Variants in SAP25 observed in about 807,000 individuals in gnomAD.
SAP25 encodes the protein histone deacetylase complex subunit SAP25.
Under a neutral mutation model 31.5 loss-of-function variants are expected in SAP25, and 24 were observed. The observed-to-expected ratio is 0.76, with a 90% confidence interval of 0.55 to 1.07. SAP25 has a LOEUF of 1.07. SAP25 is among the 50% of genes least tolerant of loss of function. The probability of loss-of-function intolerance (pLI) is 0.00; values close to 1 mark genes in which losing one functional copy is unlikely to be tolerated. For missense variants in SAP25, 377 were observed against 418.8 expected, an observed-to-expected ratio of 0.90 and a Z score of 0.87; for synonymous variants, 180 against 186.0, an observed-to-expected ratio of 0.97 and a Z score of 0.26.
chr7:100,572,593 T>C lies in SAP25; in HGVS notation c.610-22A>G. 2 of 1,485,954 alleles carry C rather than the reference T, an allele frequency of 1.3e-6. No homozygotes were observed. Among genetic ancestry groups the C allele is most frequent in the Admixed American group, 2.5e-5 (1 of 39,798 alleles). The allele number at this position is 1,485,954 out of a possible 1,614,324, so 92.0% of individuals were successfully genotyped here. On this transcript the variant is annotated intron_variant, in intron 5 of 5. Coordinates refer to ENST00000622764, the MANE Select transcript of SAP25 (RefSeq NM_001348680.2). The surrounding 1 kb of genome is among the most constrained non-coding windows in gnomAD (Gnocchi z 4.1). The stretch of plus-strand genomic sequence containing the variant: ...TCATCTGAGGAGAGAGAATGGAATG[T>C]GTTTCCTGCCAGGCAAGCCTGGAGG...
Position 100,572,418 on chromosome 7 carries a change from G to A in SAP25, c.763C>T (p.Pro255Ser). 7.1e-7 allele frequency: 1 copy of A among 1,409,272 alleles called. No individual in the cohort carries two copies. The highest frequency in any genetic ancestry group is 1.6e-5 in the South Asian group (1 of 63,822). The allele number at this position is 1,409,272 out of a possible 1,614,324, so 87.3% of individuals were successfully genotyped here. A position where few individuals can be genotyped will look rare whatever the true frequency, so the allele number is the denominator to read the frequency against. The change falls in exon 6 of 6, where the codon CCT becomes TCT. Residue 255 changes from proline (P) to serine (S), a missense_variant. Physicochemically the swap from Pro to Ser is moderately conservative, Grantham distance 74. Transcript: ENST00000622764. The surrounding 1 kb of genome is among the most constrained non-coding windows in gnomAD (Gnocchi z 4.1). ...CCAACCGCGGAGGAGCTGGGCCTAGGCTCCCCCTGGCTCATCTGCAGCAGG... is the reference window on the plus strand; with the variant it reads ...CCAACCGCGGAGGAGCTGGGCCTAGACTCCCCCTGGCTCATCTGCAGCAGG... Reference protein sequence around the residue: ...TGLLQMSQGEPRPSSSAVGPP... With the variant: ...TGLLQMSQGESRPSSSAVGPP...
At position 100,572,391 on chromosome 7, in the gene SAP25, G is replaced by A. The variant is rs1261305969; in HGVS notation, c.790C>T (p.Pro264Ser). ...EPRPSSSAVG[P>S]PDHTSDPPSP... is the part of the protein sequence containing the mutation. Reference sequence around the variant, plus strand: ...GGTGGGTCAGAGGTATGGTCTGGGGGGCCAACCGCGGAGGAGCTGGGCCTA... The same window carrying A: ...GGTGGGTCAGAGGTATGGTCTGGGGAGCCAACCGCGGAGGAGCTGGGCCTA... Residue 264 changes from proline (P) to serine (S), a missense_variant, in exon 6 of 6, where the codon CCC (proline) becomes TCC (serine). Coordinates refer to ENST00000622764, the MANE Select transcript of SAP25 (RefSeq NM_001348680.2). The surrounding 1 kb of genome is among the most constrained non-coding windows in gnomAD (Gnocchi z 4.1). 4 of 1,409,020 alleles carry A rather than the reference G, an allele frequency of 2.8e-6. No individual in the cohort carries two copies. The Admixed American group carries it at 9.4e-5, about 33-fold the overall frequency. The allele number at this position is 1,409,020 out of a possible 1,614,324, so 87.3% of individuals were successfully genotyped here.
chr7:100,573,788 C>A lies in SAP25; in HGVS notation c.-46G>T. The A allele has an allele frequency of 8.5e-7, 1 of 1,176,076 alleles. No individual in the cohort carries two copies. Among genetic ancestry groups the A allele is most frequent in the South Asian group, 4.2e-5 (1 of 23,846 alleles). The allele number at this position is 1,176,076 out of a possible 1,614,324, so 72.9% of individuals were successfully genotyped here. On this transcript the variant is annotated 5_prime_UTR_variant, in exon 1 of 6. Transcript: ENST00000622764. ...ACGGTACCGCCGTGTCCCCGCCGCCCGGCCCGGCCCTCTCAGCCTCCCTCC... is the reference window on the plus strand; with the variant it reads ...ACGGTACCGCCGTGTCCCCGCCGCCAGGCCCGGCCCTCTCAGCCTCCCTCC...
Position 100,572,546 on chromosome 7 carries a change from G to A in SAP25, c.635C>T (p.Pro212Leu), listed in dbSNP as rs1361764051. ...QQMMGSLKLLPPPPIMSARVL... is the reference protein window; with the variant it reads ...QQMMGSLKLLLPPPIMSARVL... Reference sequence around the variant, plus strand: ...CCTGGCAGACATGATGGGGGGCGGCGGCAGCAGTTTCAGGGAGCCCATCAT... The same window carrying A: ...CCTGGCAGACATGATGGGGGGCGGCAGCAGCAGTTTCAGGGAGCCCATCAT... Residue 212 changes from proline (P) to leucine (L), a missense_variant, in exon 6 of 6, where the codon CCG (proline) becomes CTG (leucine). Pro to Leu is a moderately conservative substitution (Grantham distance 98, BLOSUM62 -3). Transcript: ENST00000622764. The surrounding 1 kb of genome is among the most constrained non-coding windows in gnomAD (Gnocchi z 4.1). The A allele has an allele frequency of 8.3e-6, 12 of 1,439,602 alleles. No homozygotes were observed. The highest frequency in any genetic ancestry group is 1.4e-5 in the South Asian group (1 of 69,154). The allele number at this position is 1,439,602 out of a possible 1,614,324, so 89.2% of individuals were successfully genotyped here. A position where few individuals can be genotyped will look rare whatever the true frequency, so the allele number is the denominator to read the frequency against.
chr7:100,573,370 C>T lies in SAP25; in HGVS notation c.177G>A (p.Trp59Ter). ...SPQPPSRSPS[W>*]IWREQLLLPH... ...GCAGCAGCAGCTGCTCTCTCCAGATCCAGGAAGGGCTACGGGATGGGGGCT... is the reference window on the plus strand; with the variant it reads ...GCAGCAGCAGCTGCTCTCTCCAGATTCAGGAAGGGCTACGGGATGGGGGCT... Residue 59 changes from tryptophan to a stop codon, truncating the protein, a stop_gained, in exon 2 of 6, where the codon TGG becomes TGA. Coordinates refer to ENST00000622764, the MANE Select transcript of SAP25 (RefSeq NM_001348680.2). LOFTEE classifies it high-confidence loss of function. 2.2e-6 allele frequency: 3 copies of T among 1,374,106 alleles called. No individual in the cohort carries two copies. Among genetic ancestry groups the T allele is most frequent in the Non-Finnish European group, 2.8e-6 (3 of 1,062,752 alleles). The allele number at this position is 1,374,106 out of a possible 1,614,324, so 85.1% of individuals were successfully genotyped here.
rs949015364 is a variant in SAP25, at chr7:100,573,222, C to T, written c.251-10G>A. The T allele has an allele frequency of 2.1e-5, 31 of 1,465,846 alleles. No individual in the cohort carries two copies. The African/African-American group carries it at 2.7e-4, about 13-fold the overall frequency. The allele number at this position is 1,465,846 out of a possible 1,614,324, so 90.8% of individuals were successfully genotyped here. On this transcript the variant is annotated splice_polypyrimidine_tract_variant and intron_variant, in intron 2 of 5. Transcript: ENST00000622764. ...TGGGGGGAACGGGGATCTGGGGGGA[C>T]GCTTGGGGATTATAACAGGCTCACA...
rs952158427 is a variant in SAP25, at chr7:100,572,897, T to G, written c.474A>C (p.Thr158=). The change falls in exon 4 of 6, where the codon ACA becomes ACC. Residue 158 remains threonine, a synonymous_variant. Coordinates refer to ENST00000622764, the MANE Select transcript of SAP25 (RefSeq NM_001348680.2). This position sits in a 1 kb window ranked among gnomAD's most constrained non-coding sequence, Gnocchi z 4.1. ...GRGLRPVAPA[T]GHWNGQQAPP... The stretch of plus-strand genomic sequence containing the variant: ...GCGCCTGCTGTCCATTCCAGTGCCC[T>G]GTGGCAGGGGCCACGGGCCTGAGAC... The G allele has an allele frequency of 2.0e-6, 3 of 1,467,984 alleles. No homozygotes were observed. The African/African-American group carries it at 4.3e-5, about 21-fold the overall frequency. The allele number at this position is 1,467,984 out of a possible 1,614,324, so 90.9% of individuals were successfully genotyped here.
Position 100,572,507 on chromosome 7 carries a change from G to A in SAP25, c.674C>T (p.Pro225Leu), listed in dbSNP as rs541776856. 2.8e-6 allele frequency: 4 copies of A among 1,434,174 alleles called. No individual in the cohort carries two copies. The highest frequency in any genetic ancestry group is 1.5e-5 in the South Asian group (1 of 68,460). The allele number at this position is 1,434,174 out of a possible 1,614,324, so 88.8% of individuals were successfully genotyped here. A position where few individuals can be genotyped will look rare whatever the true frequency, so the allele number is the denominator to read the frequency against. ...AGTGGAGGGGCCCCGGGAGGGTGAT[G>A]GGCGGGGGAGCACCCTGGCAGACAT... ...PIMSARVLPRPSPSRGPSTAW... is the reference protein window; with the variant it reads ...PIMSARVLPRLSPSRGPSTAW... Residue 225 changes from proline (P) to leucine (L), a missense_variant, in exon 6 of 6, where the codon CCA becomes CTA. By Grantham distance (98) the Pro-to-Leu change is moderately conservative. Transcript: ENST00000622764. This position sits in a 1 kb window ranked among gnomAD's most constrained non-coding sequence, Gnocchi z 4.1.
chr7:100,573,819 G>A lies in SAP25; in HGVS notation c.-77C>T, dbSNP rs1012265784. 87 of 1,131,044 alleles carry A rather than the reference G, an allele frequency of 7.7e-5. No homozygotes were observed. Among genetic ancestry groups the A allele is most frequent in the Non-Finnish European group, 8.7e-5 (80 of 919,232 alleles). The allele number at this position is 1,131,044 out of a possible 1,614,324, so 70.1% of individuals were successfully genotyped here. On this transcript the variant is annotated 5_prime_UTR_variant, in exon 1 of 6. Transcript: ENST00000622764. ...GGCCCTCTCAGCCTCCCTCCGCGGCGCGGCGCGAACGTGCCCTCCTGGCGA... is the reference window on the plus strand; with the variant it reads ...GGCCCTCTCAGCCTCCCTCCGCGGCACGGCGCGAACGTGCCCTCCTGGCGA...
rs1164672760 is a variant in SAP25, at chr7:100,572,780, G to A, written c.512-29C>T. 1.3e-6 allele frequency: 2 copies of A among 1,517,930 alleles called. No homozygotes were observed. Among genetic ancestry groups the A allele is most frequent in the South Asian group, 1.2e-5 (1 of 83,060 alleles). 94.0% of individuals were successfully genotyped at this position (1,517,930 alleles called of 1,614,324 possible). ...GGAGGAAACACCACTAGGGTGGCGG[G>A]CTGCGGGCTCCCACCCCTGGGCACT... On this transcript the variant is annotated intron_variant, in intron 4 of 5. Transcript: ENST00000622764. The surrounding 1 kb of genome is among the most constrained non-coding windows in gnomAD (Gnocchi z 4.1).
chr7:100,573,027 GAC>G lies in SAP25; in HGVS notation c.358-16_358-15del, dbSNP rs1300401471. The G allele has an allele frequency of 6.7e-7, 1 of 1,493,718 alleles. No homozygotes were observed. The highest frequency in any genetic ancestry group is 8.9e-7 in the Non-Finnish European group (1 of 1,124,138). The allele number at this position is 1,493,718 out of a possible 1,614,324, so 92.5% of individuals were successfully genotyped here. ...ACAGTTGGCCCCCTAGGGTGAGGAG[GAC>G]AGAGCACTGGAGCCTCAGGCCACCG... On this transcript the variant is annotated splice_polypyrimidine_tract_variant and intron_variant, in intron 3 of 5. Transcript: ENST00000622764.
At position 100,572,930 on chromosome 7, in the gene SAP25, C is replaced by A; in HGVS notation, c.441G>T (p.Ser147=). 2 of 1,496,830 alleles carry A rather than the reference C, an allele frequency of 1.3e-6. No individual in the cohort carries two copies. The highest frequency in any genetic ancestry group is 1.8e-6 in the Non-Finnish European group (2 of 1,126,358). The allele number at this position is 1,496,830 out of a possible 1,614,324, so 92.7% of individuals were successfully genotyped here. A position where few individuals can be genotyped will look rare whatever the true frequency, so the allele number is the denominator to read the frequency against. Residue 147 remains serine, a synonymous_variant, in exon 4 of 6, where the codon TCG becomes TCT. Coordinates refer to ENST00000622764, the MANE Select transcript of SAP25 (RefSeq NM_001348680.2). This position sits in a 1 kb window ranked among gnomAD's most constrained non-coding sequence, Gnocchi z 4.1. The stretch of plus-strand genomic sequence containing the variant: ...GGGCCACGGGCCTGAGACCCCTGCC[C>A]GAGGCTGCTTCATACAGCGGCCAGA... ...PSFWPLYEAA[S]GRGLRPVAPA...
In SAP25 at chr7:100,573,327, G is replaced by A. The variant is rs1165790798; in HGVS notation, c.220C>T (p.Pro74Ser). The change falls in exon 2 of 6, where the codon CCG (proline) becomes TCG (serine). Residue 74 changes from proline to serine, a missense_variant. Pro to Ser is a moderately conservative substitution (Grantham distance 74, BLOSUM62 -1). Coordinates refer to ENST00000622764, the MANE Select transcript of SAP25 (RefSeq NM_001348680.2). The part of the protein sequence containing the change: ...QLLLPHHLPG[P>S]ATEQPPGAPD... Reference sequence around the variant, plus strand: ...GCTCCGGGGGGCTGCTCAGTGGCCGGGCCTGGCAGGTGGTGGGGCAGCAGC... The same window carrying A: ...GCTCCGGGGGGCTGCTCAGTGGCCGAGCCTGGCAGGTGGTGGGGCAGCAGC... The A allele has an allele frequency of 2.2e-6, 3 of 1,385,744 alleles. No homozygotes were observed. Among genetic ancestry groups the A allele is most frequent in the Non-Finnish European group, 2.8e-6 (3 of 1,069,416 alleles). The allele number at this position is 1,385,744 out of a possible 1,614,324, so 85.8% of individuals were successfully genotyped here.
Position 100,572,862 on chromosome 7 carries a change from G to C in SAP25, c.509C>G (p.Ala170Gly), listed in dbSNP as rs1801182770. ...CCCCGGGGGACCAAGGGAGGTACCT[G>C]CATCTGGGGGCGCCTGCTGTCCATT... ...HWNGQQAPPD[A>G]GFPVVCCEDV... Residue 170 changes from alanine to glycine, a missense_variant and splice_region_variant, in exon 4 of 6, where the codon GCA (alanine) becomes GGA (glycine). Transcript: ENST00000622764. The surrounding 1 kb of genome is among the most constrained non-coding windows in gnomAD (Gnocchi z 4.1). 2 of 1,463,928 alleles carry C rather than the reference G, an allele frequency of 1.4e-6. No homozygotes were observed. Among genetic ancestry groups the C allele is most frequent in the Non-Finnish European group, 1.8e-6 (2 of 1,112,420 alleles). 90.7% of individuals were successfully genotyped at this position (1,463,928 alleles called of 1,614,324 possible).
Position 100,572,421 on chromosome 7 carries a change from C to A in SAP25, c.760G>T (p.Glu254Ter). 7.1e-7 allele frequency: 1 copy of A among 1,412,024 alleles called. No individual in the cohort carries two copies. The highest frequency in any genetic ancestry group is 9.2e-7 in the Non-Finnish European group (1 of 1,086,190). 87.5% of individuals were successfully genotyped at this position (1,412,024 alleles called of 1,614,324 possible). A position where few individuals can be genotyped will look rare whatever the true frequency, so the allele number is the denominator to read the frequency against. The change falls in exon 6 of 6, where the codon GAG becomes TAG. Residue 254 changes from glutamate (E) to a stop codon, truncating the protein, a stop_gained. Coordinates refer to ENST00000622764, the MANE Select transcript of SAP25 (RefSeq NM_001348680.2). LOFTEE classifies it low-confidence loss of function (END_TRUNC). This position sits in a 1 kb window ranked among gnomAD's most constrained non-coding sequence, Gnocchi z 4.1. ...ACCGCGGAGGAGCTGGGCCTAGGCT[C>A]CCCCTGGCTCATCTGCAGCAGGCCA... Reference protein sequence around the residue: ...LTGLLQMSQGEPRPSSSAVGP... With the variant: ...LTGLLQMSQG
At chr7:100,573,451 C>CCCTGGAGCCCAAGGGTG (rs1801213463) in intron 1 of SAP25, 51 bp from the exon 2 acceptor site, 1 of 1,236,862 alleles carries the variant, frequency 8.1e-7, no homozygotes, top group Non-Finnish European at 1.0e-6. Context: ...ACGCACCCTC[C>CCCTGGAGCCCAAGGGTG]CCTGGAGCCC....
At position 100,573,731 on chromosome 7, in the gene SAP25, C is replaced by A. The variant is rs1218023272; in HGVS notation, c.12G>T (p.Trp4Cys). The change falls in exon 1 of 6, where the codon TGG becomes TGT. Residue 4 changes from tryptophan to cysteine, a missense_variant. Trp to Cys is a radical substitution (Grantham distance 215). Transcript: ENST00000622764. ...GGCCCGCGCCCCACCGCGGCGGCGACCAGGGCAACATTCCGCGTTCCCGAG... is the reference window on the plus strand; with the variant it reads ...GGCCCGCGCCCCACCGCGGCGGCGAACAGGGCAACATTCCGCGTTCCCGAG... MLP[W>C]SPPRWGAGPE... The A allele has an allele frequency of 1.1e-5, 14 of 1,221,480 alleles. No homozygotes were observed. The highest frequency in any genetic ancestry group is 1.4e-5 in the Non-Finnish European group (14 of 981,472). 75.7% of individuals were successfully genotyped at this position (1,221,480 alleles called of 1,614,324 possible).
rs762105164 is a variant in SAP25, at chr7:100,572,582, A to G, written c.610-11T>C. 4.7e-6 allele frequency: 7 copies of G among 1,474,310 alleles called. No individual in the cohort carries two copies. Among genetic ancestry groups the G allele is most frequent in the Non-Finnish European group, 5.4e-6 (6 of 1,118,108 alleles). The allele number at this position is 1,474,310 out of a possible 1,614,324, so 91.3% of individuals were successfully genotyped here. A position where few individuals can be genotyped will look rare whatever the true frequency, so the allele number is the denominator to read the frequency against. Reference sequence around the variant, plus strand: ...CAGGGAGCCCATCATCTGAGGAGAGAGAATGGAATGTGTTTCCTGCCAGGC... The same window carrying G: ...CAGGGAGCCCATCATCTGAGGAGAGGGAATGGAATGTGTTTCCTGCCAGGC... On this transcript the variant is annotated splice_polypyrimidine_tract_variant and intron_variant, in intron 5 of 5. Coordinates refer to ENST00000622764, the MANE Select transcript of SAP25 (RefSeq NM_001348680.2). The surrounding 1 kb of genome is among the most constrained non-coding windows in gnomAD (Gnocchi z 4.1).
rs184117891 is a variant in SAP25, at chr7:100,573,224, C to T, written c.251-12G>A. The T allele has an allele frequency of 2.2e-5, 32 of 1,472,852 alleles. 1 individual carries two copies. In the Middle Eastern group the frequency reaches 7.6e-4, roughly 35 times the overall value. The allele number at this position is 1,472,852 out of a possible 1,614,324, so 91.2% of individuals were successfully genotyped here. ...GGGGGAACGGGGATCTGGGGGGACG[C>T]TTGGGGATTATAACAGGCTCACAGT... On this transcript the variant is annotated splice_polypyrimidine_tract_variant and intron_variant, in intron 2 of 5. Coordinates refer to ENST00000622764, the MANE Select transcript of SAP25 (RefSeq NM_001348680.2).
Sources: gnomAD v4.1 joint callset for allele counts on GRCh38, gnomAD v4.1.1 for gene constraint, Gnocchi (gnomAD v3.1) non-coding constraint, MANE v1.5 for transcripts, NCBI Gene and HGNC (gene_info 2026-07-23, HGNC 2026-07-21) for gene names.